Variants in DNAH14 observed in about 807,000 individuals in gnomAD.
DNAH14 encodes dynein axonemal heavy chain 14.
In DNAH14, 478 loss-of-function variants were observed where a neutral mutation model predicts 520.9. That is an observed-to-expected ratio of 0.92 (90% CI 0.85 to 0.99). The LOEUF (loss-of-function observed/expected upper bound fraction) is 0.99. DNAH14 is among the 50% of genes least tolerant of loss of function. DNAH14 has a pLI of 0.00. For synonymous variants in DNAH14, 1,581 were observed against 1,757.2 expected (o/e 0.90, Z 2.51); for missense variants, 4,831 against 5,234.5 (o/e 0.92, Z 2.38).
chr1:225,107,340 A>T (rs532250754), intron 23 of DNAH14, among the ~76,000 whole-genome samples: 8 of 152,322 alleles, frequency 5.3e-5, no homozygotes, highest in Non-Finnish European at 1.0e-4. Context: ...TTGAGGAGGC[A>T]GTCTGTCCAT....
At position 225,131,130 on chromosome 1, in the gene DNAH14, A is replaced by T. The variant is rs546019311; in HGVS notation, c.4254+7516A>T. Among the ~76,000 whole-genome samples, 232 of 152,280 alleles carry T rather than the reference A, an allele frequency of 1.5e-3. 2 individuals carry two copies. The highest frequency in any genetic ancestry group is 2.2e-3 in the Non-Finnish European group (150 of 68,026). On this transcript the variant is annotated intron_variant, in intron 27 of 85. Transcript: ENST00000682510. ...CCTTCAACTTCACTATAGTTTTGAA[A>T]ATCTTTATAATTTTGAATGAAAGTA...
At chr1:225,291,447 T>C (rs1351150140) in intron 55 of DNAH14, among the ~76,000 whole-genome samples, 1 of 152,010 alleles carries the variant, frequency 6.6e-6, no homozygotes, top group African/African-American at 2.4e-5. Context: ...GACAGAGTAT[T>C]CCTCTGTCAC....
At chr1:225,319,388 C>T (rs1444429193) in intron 61 of DNAH14, among the ~76,000 whole-genome samples, 1 of 152,090 alleles carries the variant, frequency 6.6e-6, no homozygotes, top group Non-Finnish European at 1.5e-5. Context: ...GGGAACCTAC[C>T]TATAACGTCT....
chr1:225,155,498 T>A (rs145386728), intron 34 of DNAH14, among the ~76,000 whole-genome samples: 1 of 152,200 alleles, frequency 6.6e-6, no homozygotes, highest in Non-Finnish European at 1.5e-5. Context: ...GTTTTATGAT[T>A]TTTTAACAAA....
intron 35 of DNAH14, among the ~76,000 whole-genome samples, chr1:225,165,752 T>G (rs2081984061): frequency 6.6e-6 from 1 of 151,904 alleles, no homozygotes. Context: ...CCCAGCTAAT[T>G]TTTTTTATTT....
chr1:225,151,817 A>T (rs768333766), intron 31 of DNAH14, 188 bp from the exon 32 acceptor site: 1 of 683,234 alleles, frequency 1.5e-6, no homozygotes, highest in Non-Finnish European at 2.6e-6. Context: ...CCCAGCAGGG[A>T]TGACAACTTT....
At chr1:225,023,206 G>T (rs567203716) in intron 10 of DNAH14, among the ~76,000 whole-genome samples, 1 of 152,122 alleles carries the variant, frequency 6.6e-6, no homozygotes, top group East Asian at 1.9e-4. Context: ...ATTTAACCGT[G>T]TAACAAACCT....
intron 46 of DNAH14, among the ~76,000 whole-genome samples, chr1:225,263,760 T>C (rs2093019604): frequency 6.6e-6 from 1 of 152,152 alleles, no homozygotes; most frequent in Admixed American, 6.6e-5. Context: ...TTTTACTGTA[T>C]ACTCAATATT....
intron 8 of DNAH14, among the ~76,000 whole-genome samples, chr1:224,995,093 G>A (rs2489327): frequency 0.26 from 39,741 of 151,988 alleles, 8,076 homozygotes; most frequent in African/African-American, 0.56. Context: ...CGTTACCATT[G>A]TAGTCCTACA....
Position 224,945,176 on chromosome 1 carries a change from G to A in DNAH14, c.-33-7494G>A, listed in dbSNP as rs144986243. On this transcript the variant is annotated intron_variant, in intron 1 of 85. Coordinates refer to ENST00000682510, the MANE Select transcript of DNAH14 (RefSeq NM_001367479.1). ...TTTTCACAGAGTCCCATATTTCTTGGAATCTTTGTTCATTTCTTTTTATTT... is the reference window on the plus strand; with the variant it reads ...TTTTCACAGAGTCCCATATTTCTTGAAATCTTTGTTCATTTCTTTTTATTT... Among the ~76,000 whole-genome samples the A allele has an allele frequency of 5.0e-3, 764 of 152,202 alleles. 6 individuals carry two copies. The highest frequency in any genetic ancestry group is 0.017 in the African/African-American group (721 of 41,536).
chr1:225,358,356 C>A, intron 73 of DNAH14, 140 bp from the exon 74 acceptor site: 1 of 719,268 alleles, frequency 1.4e-6, no homozygotes. Flanking sequence ...ATAGTCTGTC[C>A]CATTAAGCTT....
chr1:225,138,259 C>T (rs182800270), intron 27 of DNAH14, among the ~76,000 whole-genome samples: 135 of 152,330 alleles, frequency 8.9e-4, no homozygotes, highest in Non-Finnish European at 1.5e-3. Flanking sequence ...CCCTCCTTGT[C>T]TGGACCATCT....
At chr1:225,190,750 T>A (rs1237584111) in intron 37 of DNAH14, among the ~76,000 whole-genome samples, 1 of 152,044 alleles carries the variant, frequency 6.6e-6, no homozygotes, top group East Asian at 1.9e-4. Flanking sequence ...AAGGCAGTTA[T>A]CAGCAAGTCA....
At chr1:225,152,110 C>CA in intron 32 of DNAH14, 37 bp downstream of exon 32, 1 of 1,497,350 alleles carries the variant, frequency 6.7e-7, no homozygotes, top group Non-Finnish European at 9.0e-7. Context: ...TAGACACAGA[C>CA]AAAAATCATT....
At position 225,038,692 on chromosome 1, in the gene DNAH14, A is replaced by G; in HGVS notation, c.1359-2A>G. ...TTTTTTTCTTCCCATTTCTTAATCC[A>G]GAACATTCAAGGACAACTCTTTTCC... On this transcript the variant is annotated splice_acceptor_variant, in intron 11 of 85. Transcript: ENST00000682510. LOFTEE classifies it high-confidence loss of function. The G allele has an allele frequency of 6.6e-7, 1 of 1,525,650 alleles. No homozygotes were observed. The highest frequency in any genetic ancestry group is 8.8e-7 in the Non-Finnish European group (1 of 1,139,798). The allele number at this position is 1,525,650 out of a possible 1,614,324, so 94.5% of individuals were successfully genotyped here. A position where few individuals can be genotyped will look rare whatever the true frequency, so the allele number is the denominator to read the frequency against.
chr1:225,197,133 G>A (rs1400908065), intron 38 of DNAH14, among the ~76,000 whole-genome samples: 2 of 151,988 alleles, frequency 1.3e-5, no homozygotes, highest in African/African-American at 2.4e-5. Flanking sequence ...TGTCTAGAAG[G>A]GTTTTTTCAA....
At chr1:225,087,035 C>G (rs3128661) in intron 21 of DNAH14, among the ~76,000 whole-genome samples, 119,695 of 150,278 alleles carry the variant, frequency 0.8, 50,860 homozygotes, top group Non-Finnish European at 0.96. Context: ...CACACACACA[C>G]AGCCTTCTAC....
intron 81 of DNAH14, among the ~76,000 whole-genome samples, chr1:225,386,571 G>T (rs1166640650): frequency 6.6e-6 from 1 of 152,196 alleles, no homozygotes; most frequent in Admixed American, 6.5e-5. Flanking sequence ...AGTGGGCAAA[G>T]GATATGAACA....
intron 30 of DNAH14, 125 bp from the exon 31 acceptor site, chr1:225,146,979 G>A: frequency 1.5e-6 from 1 of 682,736 alleles, no homozygotes; most frequent in South Asian, 2.5e-5. Flanking sequence ...GCCTAGGAGG[G>A]GGAAATGCAA....
Sources: gnomAD v4.1 joint callset for allele counts (sites outside exome capture counted in the v4.1 genomes callset) on GRCh38, gnomAD v4.1.1 for gene constraint, MANE v1.5 for transcripts, NCBI Gene and HGNC (gene_info 2026-07-23, HGNC 2026-07-21) for gene names.